TRIM59: variants seen among roughly 807,000 people sequenced by gnomAD.
TRIM59 encodes the protein tripartite motif-containing protein 59.
In TRIM59, 14 loss-of-function variants were observed where a neutral mutation model predicts 32.2. The observed-to-expected ratio is 0.43, with a 90% CI of 0.29 to 0.68. The LOEUF is 0.68. Ranked by LOEUF, TRIM59 falls within the 30% of genes least tolerant of loss-of-function variation. The pLI is 0.15. For synonymous variants in TRIM59, 163 were observed against 155.1 expected (o/e 1.05, Z -0.38); for missense variants, 471 against 463.3 (o/e 1.02, Z -0.15).
In TRIM59 at chr3:160,438,579, CT is replaced by C. The variant is rs763112993; in HGVS notation, c.604del (p.Ser202ValfsTer3). The C allele has an allele frequency of 5.6e-5, 86 of 1,545,120 alleles. No homozygotes were observed. Among genetic ancestry groups the C allele is most frequent in the South Asian group, 2.5e-4 (21 of 84,974 alleles). On this transcript the variant is annotated frameshift_variant, in exon 3 of 3. Coordinates refer to ENST00000309784, the MANE Select transcript of TRIM59 (RefSeq NM_173084.3). LOFTEE classifies it high-confidence loss of function. The part of the protein sequence containing the change: ...LNDTLEQKKK[S>X]FLTALCDVGN... ...AACATCACAGAGAGCCGTTAGGAAA[CT>C]TTTTTTTTTCTGTTCTAATGTATCA...
At chr3:160,446,536 C>A (rs1483744255) in intron 2 of TRIM59, among the ~76,000 whole-genome samples, 1 of 152,094 alleles carries the variant, frequency 6.6e-6, no homozygotes, top group Non-Finnish European at 1.5e-5. Flanking sequence ...AATTTACATT[C>A]ACATTATATG....
chr3:160,438,845 T>C lies in TRIM59; in HGVS notation c.339A>G (p.Lys113=), dbSNP rs578072650. Residue 113 remains lysine, a synonymous_variant, in exon 3 of 3, where the codon AAA becomes AAG. Coordinates refer to ENST00000309784, the MANE Select transcript of TRIM59 (RefSeq NM_173084.3). ...TAAGGCAATGACCACAAACTAATTTTTTATCTAATAGACAGTAAACATTTA... is the reference window on the plus strand; with the variant it reads ...TAAGGCAATGACCACAAACTAATTTCTTATCTAATAGACAGTAAACATTTA... ...QPLNVYCLLD[K]KLVCGHCLTI... is the part of the protein sequence containing the mutation. The C allele has an allele frequency of 4.3e-6, 7 of 1,614,052 alleles. No homozygotes were observed. The Middle Eastern group carries it at 8.3e-4, about 190-fold the overall frequency.
intron 2 of TRIM59, 74 bp from the exon 3 acceptor site, chr3:160,439,260 C>A: frequency 7.9e-7 from 1 of 1,261,692 alleles, no homozygotes; most frequent in Non-Finnish European, 1.1e-6. Context: ...TAGGCATTAA[C>A]CTCCAAATTG....
chr3:160,437,619 A>G lies in TRIM59; in HGVS notation c.*353T>C. On this transcript the variant is annotated 3_prime_UTR_variant, in exon 3 of 3. Coordinates refer to ENST00000309784, the MANE Select transcript of TRIM59 (RefSeq NM_173084.3). Reference sequence around the variant, plus strand: ...ATGTTCTTTCAGGATTTTGCTATATATATAAAGAACTGTAAAGCCAATTAA... The same window carrying G: ...ATGTTCTTTCAGGATTTTGCTATATGTATAAAGAACTGTAAAGCCAATTAA... 9 of 991,146 alleles carry G rather than the reference A, an allele frequency of 9.1e-6. No individual in the cohort carries two copies. Among genetic ancestry groups the G allele is most frequent in the Non-Finnish European group, 1.1e-5 (9 of 833,548 alleles). 61.4% of individuals were successfully genotyped at this position (991,146 alleles called of 1,614,324 possible).
chr3:160,441,386 G>C (rs1719229690), intron 2 of TRIM59, among the ~76,000 whole-genome samples: 1 of 151,542 alleles, frequency 6.6e-6, no homozygotes, highest in African/African-American at 2.4e-5. Flanking sequence ...TTGTTTTGGG[G>C]TTTTTTGTTT....
intron 2 of TRIM59, among the ~76,000 whole-genome samples, chr3:160,440,201 A>C (rs1009462169): frequency 6.6e-6 from 1 of 152,230 alleles, no homozygotes; most frequent in African/African-American, 2.4e-5. Flanking sequence ...AAGACAGAAA[A>C]ATTTTGAATT....
chr3:160,441,151 TA>T (rs1719217702), intron 2 of TRIM59, among the ~76,000 whole-genome samples: 1 of 152,226 alleles, frequency 6.6e-6, no homozygotes, highest in Admixed American at 6.5e-5. Context: ...TTATTCTCAT[TA>T]AACACTGCAT....
chr3:160,438,351 T>C lies in TRIM59; in HGVS notation c.833A>G (p.Tyr278Cys), dbSNP rs576345524. Residue 278 changes from tyrosine (Y) to cysteine (C), a missense_variant, in exon 3 of 3, where the codon TAT becomes TGT. Transcript: ENST00000309784. ...PLPEVQPVEI[Y>C]PRVSKILKEE... ...TTTCAATATTTTGCTTACTCGAGGA[T>C]AAATTTCAACGGGTTGAACCTCAGG... 2.5e-6 allele frequency: 4 copies of C among 1,613,614 alleles called. No individual in the cohort carries two copies. Among genetic ancestry groups the C allele is most frequent in the Non-Finnish European group, 3.4e-6 (4 of 1,179,866 alleles).
chr3:160,447,947 G>T lies in TRIM59; in HGVS notation c.-4+779C>A, dbSNP rs561479422. The T allele has an allele frequency of 2.6e-5, 4 of 152,086 alleles. No homozygotes were observed. The East Asian group carries it at 5.8e-4, about 22-fold the overall frequency. 9.4% of individuals were successfully genotyped at this position (152,086 alleles called of 1,614,324 possible). On this transcript the variant is annotated intron_variant, in intron 2 of 2. Transcript: ENST00000309784. ...ATAAGATTTTTTTAACATTATCGCA[G>T]AAAGTCTGAGAAACAAGATTTTTAA...
chr3:160,435,951 C>A lies in TRIM59; in HGVS notation c.*2021G>T. On this transcript the variant is annotated 3_prime_UTR_variant, in exon 3 of 3. Transcript: ENST00000309784. ...AGAAATGAGATTAAGTAGTTTAACA[C>A]ATAATGGCTAACATTTCATTGCTTA... The A allele has an allele frequency of 7.8e-7, 1 of 1,282,218 alleles. No homozygotes were observed. The highest frequency in any genetic ancestry group is 1.3e-5 in the South Asian group (1 of 79,328). 79.4% of individuals were successfully genotyped at this position (1,282,218 alleles called of 1,614,324 possible).
chr3:160,438,841 A>G lies in TRIM59; in HGVS notation c.343T>C (p.Leu115=). 1 of 1,613,976 alleles carries G rather than the reference A, an allele frequency of 6.2e-7. No individual in the cohort carries two copies. The highest frequency in any genetic ancestry group is 8.5e-7 in the Non-Finnish European group (1 of 1,179,962). ...LNVYCLLDKK[L]VCGHCLTIGQ... ...ATGGTAAGGCAATGACCACAAACTA[A>G]TTTTTTATCTAATAGACAGTAAACA... is the stretch of plus-strand genomic sequence containing the variant. Residue 115 remains leucine, a synonymous_variant, in exon 3 of 3, where the codon TTA becomes CTA. Coordinates refer to ENST00000309784, the MANE Select transcript of TRIM59 (RefSeq NM_173084.3).
chr3:160,443,975 A>G (rs1719390501), intron 2 of TRIM59, among the ~76,000 whole-genome samples: 1 of 152,150 alleles, frequency 6.6e-6, no homozygotes, highest in African/African-American at 2.4e-5. Context: ...TGCTTCATGT[A>G]TATGAAACAT....
intron 2 of TRIM59, among the ~76,000 whole-genome samples, chr3:160,445,025 C>T (rs1464709074): frequency 6.6e-6 from 1 of 151,148 alleles, no homozygotes; most frequent in Non-Finnish European, 1.5e-5. Flanking sequence ...AAAAAAATTA[C>T]ATGGGCAGAG....
rs1001001921 is a variant in TRIM59, at chr3:160,436,893, G to GAAT, written c.*1076_*1078dup. 134 of 981,318 alleles carry GAAT rather than the reference G, an allele frequency of 1.4e-4. No individual in the cohort carries two copies. The African/African-American group carries it at 2.3e-3, about 17-fold the overall frequency. The allele number at this position is 981,318 out of a possible 1,614,324, so 60.8% of individuals were successfully genotyped here. ...GTAGAAAATTTAAATGAGTTAAGAT[G>GAAT]AATAAAGTCCACATGATGCCATCAA... On this transcript the variant is annotated 3_prime_UTR_variant, in exon 3 of 3. Transcript: ENST00000309784.
Position 160,438,152 on chromosome 3 carries a change from C to T in TRIM59, c.1032G>A (p.Ser344=), listed in dbSNP as rs753946979. 39 of 1,611,248 alleles carry T rather than the reference C, an allele frequency of 2.4e-5. No individual in the cohort carries two copies. The highest frequency in any genetic ancestry group is 8.4e-5 in the Admixed American group (5 of 59,494). ...TGATGTGTTGGTTGAAAAAGAGTATCGACATCAGTATTACTGAAATTAATG... is the reference window on the plus strand; with the variant it reads ...TGATGTGTTGGTTGAAAAAGAGTATTGACATCAGTATTACTGAAATTAATG... ...VVTLISVILM[S]ILFFNQHIIT... Residue 344 remains serine, a synonymous_variant, in exon 3 of 3, where the codon TCG becomes TCA. Transcript: ENST00000309784.
chr3:160,449,496 C>G, intron 1 of TRIM59: 1 of 1,206,814 alleles, frequency 8.3e-7, no homozygotes, highest in East Asian at 6.0e-5. Context: ...AGGGCCTCCT[C>G]CCTCACAGGA....
At position 160,448,762 on chromosome 3, in the gene TRIM59, T is replaced by G; in HGVS notation, c.-40A>C. On this transcript the variant is annotated 5_prime_UTR_variant, in exon 2 of 3. Transcript: ENST00000309784. Reference sequence around the variant, plus strand: ...CGTGGTTTGGGGGCTGAATACACTCTTCTCCAACTCCTCCAGAATCTTTTA... The same window carrying G: ...CGTGGTTTGGGGGCTGAATACACTCGTCTCCAACTCCTCCAGAATCTTTTA... 1.6e-6 allele frequency: 2 copies of G among 1,279,460 alleles called. No individual in the cohort carries two copies. Among genetic ancestry groups the G allele is most frequent in the Non-Finnish European group, 2.0e-6 (2 of 984,498 alleles). 79.3% of individuals were successfully genotyped at this position (1,279,460 alleles called of 1,614,324 possible). A position where few individuals can be genotyped will look rare whatever the true frequency, so the allele number is the denominator to read the frequency against.
chr3:160,449,660 A>G lies in TRIM59; in HGVS notation c.-74+57T>C, dbSNP rs535409332. 2.2e-5 allele frequency: 28 copies of G among 1,289,730 alleles called. No individual in the cohort carries two copies. The African/African-American group carries it at 3.5e-4, about 16-fold the overall frequency. 79.9% of individuals were successfully genotyped at this position (1,289,730 alleles called of 1,614,324 possible). On this transcript the variant is annotated intron_variant, in intron 1 of 2. Coordinates refer to ENST00000309784, the MANE Select transcript of TRIM59 (RefSeq NM_173084.3). ...TAGGCACACCAGACTGTGCTACAGG[A>G]AAAGAAAAAGGACTCAGAACCACCT...
At chr3:160,442,632 A>G (rs1257281869) in intron 2 of TRIM59, among the ~76,000 whole-genome samples, 4 of 152,224 alleles carry the variant, frequency 2.6e-5, no homozygotes, top group Admixed American at 6.5e-5. Context: ...ATTTTTAATA[A>G]TACTTTTTAG....
Sources: gnomAD v4.1 joint callset for allele counts (sites outside exome capture counted in the v4.1 genomes callset) on GRCh38, gnomAD v4.1.1 for gene constraint, MANE v1.5 for transcripts, NCBI Gene and HGNC (gene_info 2026-07-23, HGNC 2026-07-21) for gene names.